Variants in PALLD observed in about 807,000 individuals in gnomAD.
PALLD encodes the protein palladin.
PALLD carries 61 observed loss-of-function variants against 123.5 expected under a neutral mutation model. The ratio of observed to expected loss-of-function variants is 0.49; its 90% CI spans 0.40 to 0.61. PALLD has a LOEUF of 0.61. Ranked by LOEUF, PALLD falls within the 20% of genes least tolerant of loss-of-function variation. The probability of loss-of-function intolerance (pLI) is 0.00; values close to 1 mark genes in which losing one functional copy is unlikely to be tolerated. For missense variants in PALLD, 1,273 were observed against 1,377.0 expected, an observed-to-expected ratio of 0.92 and a Z score of 1.20; for synonymous variants, 465 against 496.4, an observed-to-expected ratio of 0.94 and a Z score of 0.84.
intron 10 of PALLD, among the ~76,000 whole-genome samples, chr4:168,753,539 A>G (rs1308777700): frequency 6.6e-6 from 1 of 152,030 alleles, no homozygotes; most frequent in East Asian, 1.9e-4. Flanking sequence ...GTCTCCTCCC[A>G]TATGGACTCA....
intron 10 of PALLD, among the ~76,000 whole-genome samples, chr4:168,839,142 T>C (rs939301198): frequency 6.6e-6 from 1 of 152,138 alleles, no homozygotes; most frequent in Admixed American, 6.5e-5. Context: ...TTAATAGAGA[T>C]GAGGTCTTGC....
Position 168,834,713 on chromosome 4 carries a change from G to A in PALLD, c.1965-56209G>A, listed in dbSNP as rs1489387341. On this transcript the variant is annotated intron_variant, in intron 10 of 21. Coordinates refer to ENST00000505667, the MANE Select transcript of PALLD (RefSeq NM_001166108.2). The stretch of plus-strand genomic sequence containing the variant: ...GATTACACCACTGCACTCCAGCCTG[G>A]GTGTCAGAGCGAGACTCCATCTAAA... Among the ~76,000 whole-genome samples the A allele has an allele frequency of 3.9e-5, 6 of 151,924 alleles. No individual in the cohort carries two copies. The East Asian group carries it at 9.6e-4, about 24-fold the overall frequency.
chr4:168,761,661 T>G lies in PALLD; in HGVS notation c.1964+49738T>G, dbSNP rs1356211330. ...TTGTTGTTTGTTTTTTTTTTTTTTTTTTTTTTTTTTTTTTTGTAGTTTTTT... is the reference window on the plus strand; with the variant it reads ...TTGTTGTTTGTTTTTTTTTTTTTTTGTTTTTTTTTTTTTTTGTAGTTTTTT... On this transcript the variant is annotated intron_variant, in intron 10 of 21. Transcript: ENST00000505667. Among the ~76,000 whole-genome samples the G allele has an allele frequency of 3.8e-3, 518 of 137,084 alleles. 4 individuals carry two copies. The highest frequency in any genetic ancestry group is 6.6e-3 in the Non-Finnish European group (422 of 63,566). The allele number at this position is 137,084 out of a possible 152,430, so 89.9% of individuals were successfully genotyped here. A position where few individuals can be genotyped will look rare whatever the true frequency, so the allele number is the denominator to read the frequency against.
intron 2 of PALLD, among the ~76,000 whole-genome samples, chr4:168,649,618 A>T (rs1237908109): frequency 6.6e-6 from 1 of 152,196 alleles, no homozygotes; most frequent in Non-Finnish European, 1.5e-5. Flanking sequence ...ATTGGGTAAC[A>T]TGCATCAAGC....
At position 168,924,262 on chromosome 4, in the gene PALLD, A is replaced by G. The variant is rs773814059; in HGVS notation, c.3066A>G (p.Glu1022=). Residue 1022 remains glutamate, a synonymous_variant, in exon 19 of 22, where the codon GAA becomes GAG. Coordinates refer to ENST00000505667, the MANE Select transcript of PALLD (RefSeq NM_001166108.2). Reference sequence around the variant, plus strand: ...CATCTCATGTTTTCTTAGCTAAAGAAGCACACAAACCCCCTGTGTTTATTG... The same window carrying G: ...CATCTCATGTTTTCTTAGCTAAAGAGGCACACAAACCCCCTGTGTTTATTG... ...FSLELVVAAK[E]AHKPPVFIEK... is the part of the protein sequence containing the mutation. 1.5e-5 allele frequency: 25 copies of G among 1,613,742 alleles called. No homozygotes were observed. The highest frequency in any genetic ancestry group is 6.7e-5 in the Admixed American group (4 of 59,994).
intron 2 of PALLD, among the ~76,000 whole-genome samples, chr4:168,638,438 G>T (rs1000027507): frequency 2.0e-5 from 3 of 152,090 alleles, no homozygotes; most frequent in African/African-American, 7.2e-5. Flanking sequence ...CCTTCCAGGG[G>T]GTCTCCTCAG....
intron 10 of PALLD, among the ~76,000 whole-genome samples, chr4:168,757,067 C>T (rs1353754923): frequency 6.6e-6 from 1 of 152,096 alleles, no homozygotes; most frequent in Non-Finnish European, 1.5e-5. Flanking sequence ...TTGGACAAGA[C>T]GAGGTCCTGG....
chr4:168,562,500 G>A (rs1254276180), intron 2 of PALLD, among the ~76,000 whole-genome samples: 2 of 152,220 alleles, frequency 1.3e-5, no homozygotes, highest in African/African-American at 4.8e-5. Context: ...AGTAAGTAAT[G>A]TAATTTTAAA....
intron 18 of PALLD, 37 bp from the exon 19 acceptor site, chr4:168,924,218 A>G (rs745914691): frequency 2.5e-6 from 4 of 1,579,052 alleles, no homozygotes; most frequent in East Asian, 2.2e-5. Context: ...CTCCTTTTGT[A>G]TATCATTGAT....
intron 10 of PALLD, among the ~76,000 whole-genome samples, chr4:168,728,956 A>ACATCTGTG (rs1265376337): frequency 6.6e-6 from 1 of 152,046 alleles, no homozygotes; most frequent in Admixed American, 6.5e-5. Context: ...TCTGGCTAGG[A>ACATCTGTG]CATCTGTGTC....
At chr4:168,728,364 G>A (rs929606600) in intron 10 of PALLD, among the ~76,000 whole-genome samples, 3 of 152,052 alleles carry the variant, frequency 2.0e-5, no homozygotes, top group African/African-American at 7.2e-5. Flanking sequence ...ATTTATTCAT[G>A]TTGTCTCTGA....
rs377700457 is a variant in PALLD at position 168,715,082 on chromosome 4, A to G, written c.1964+3159A>G. On this transcript the variant is annotated intron_variant, in intron 10 of 21. Transcript: ENST00000505667. ...GAGTCTGTGGTACCGCTCATAAAGT[A>G]GGGGTTCCTGGTCCAGTCTATGATA... Among the ~76,000 whole-genome samples, 6 of 152,136 alleles carry G rather than the reference A, an allele frequency of 3.9e-5. No individual in the cohort carries two copies. In the East Asian group the frequency reaches 7.7e-4, roughly 20 times the overall value.
chr4:168,883,392 C>G (rs1229142739), intron 10 of PALLD, among the ~76,000 whole-genome samples: 1 of 152,136 alleles, frequency 6.6e-6, no homozygotes, highest in Admixed American at 6.5e-5. Flanking sequence ...TTTGCTCACT[C>G]TGAAATTTTG....
chr4:168,695,565 C>T (rs1351255732), intron 8 of PALLD, among the ~76,000 whole-genome samples: 2 of 152,130 alleles, frequency 1.3e-5, no homozygotes, highest in South Asian at 4.1e-4. Flanking sequence ...ATGACATAAT[C>T]TCTTTGTGAA....
chr4:168,901,985 C>T (rs530952265), intron 14 of PALLD, among the ~76,000 whole-genome samples: 22 of 152,248 alleles, frequency 1.4e-4, no homozygotes, highest in East Asian at 1.2e-3. Flanking sequence ...GAGTTTAATA[C>T]GTAATATAGT....
Position 168,574,720 on chromosome 4 carries a change from C to G in PALLD, c.908+62308C>G, listed in dbSNP as rs1215315765. Among the ~76,000 whole-genome samples the G allele has an allele frequency of 2.0e-5, 3 of 152,050 alleles. No homozygotes were observed. In the East Asian group the frequency reaches 5.8e-4, roughly 29 times the overall value. On this transcript the variant is annotated intron_variant, in intron 2 of 21. Coordinates refer to ENST00000505667, the MANE Select transcript of PALLD (RefSeq NM_001166108.2). ...GAGTGGAGAAAAGAAATATCAAGTA[C>G]CAACTCTTTTGCCCTGAATGAGTTG... is the stretch of plus-strand genomic sequence containing the variant.
intron 2 of PALLD, among the ~76,000 whole-genome samples, chr4:168,597,562 C>G (rs1243712206): frequency 2.0e-5 from 3 of 151,978 alleles, no homozygotes; most frequent in Admixed American, 6.6e-5. Flanking sequence ...TTGATACATT[C>G]TTTCTGAGTA....
intron 10 of PALLD, among the ~76,000 whole-genome samples, chr4:168,756,727 G>A (rs968996881): frequency 2.6e-5 from 4 of 152,214 alleles, no homozygotes; most frequent in Non-Finnish European, 5.9e-5. Context: ...ATATGGGAAT[G>A]TCAAGTAGGC....
At position 168,825,599 on chromosome 4, in the gene PALLD, A is replaced by G. The variant is rs369614383; in HGVS notation, c.1965-65323A>G. Among the ~76,000 whole-genome samples the G allele has an allele frequency of 3.3e-5, 5 of 152,296 alleles. No homozygotes were observed. In the East Asian group the frequency reaches 9.6e-4, roughly 29 times the overall value. On this transcript the variant is annotated intron_variant, in intron 10 of 21. Coordinates refer to ENST00000505667, the MANE Select transcript of PALLD (RefSeq NM_001166108.2). The stretch of plus-strand genomic sequence containing the variant: ...AGGTTAATCAGAGTTAGGGAAATAG[A>G]CCCAATTCCCTCCTTCTTGTGATAG...
Sources: gnomAD v4.1 joint callset for allele counts (sites outside exome capture counted in the v4.1 genomes callset) on GRCh38, gnomAD v4.1.1 for gene constraint, MANE v1.5 for transcripts, NCBI Gene and HGNC (gene_info 2026-07-23, HGNC 2026-07-21) for gene names.